Variants in WDTC1 observed in about 807,000 individuals in gnomAD.
WDTC1 encodes the protein WD and tetratricopeptide repeats protein 1.
A neutral mutation model predicts 76.0 loss-of-function variants in WDTC1; 12 were observed. The ratio of observed to expected loss-of-function variants is 0.16; its 90% CI spans 0.10 to 0.26. The LOEUF is 0.26. Ranked by LOEUF, WDTC1 falls within the 10% of genes least tolerant of loss-of-function variation. The probability of loss-of-function intolerance (pLI) is 1.00; values close to 1 mark genes in which losing one functional copy is unlikely to be tolerated. For synonymous variants in WDTC1, 326 were observed against 350.8 expected, an observed-to-expected ratio of 0.93 and a Z score of 0.79; for missense variants, 511 against 908.8, an observed-to-expected ratio of 0.56 and a Z score of 5.63.
chr1:27,305,201 T>G lies in WDTC1; in HGVS notation c.1836+8T>G, dbSNP rs1312619011. ...TGGAACCCCCGACCAGAGGTGAGGG[T>G]GCAGAGCCAAGCAGAGAGGAGGGCA... On this transcript the variant is annotated splice_region_variant and intron_variant, in intron 15 of 15. Coordinates refer to ENST00000319394, the MANE Select transcript of WDTC1 (RefSeq NM_001276252.2). The surrounding 1 kb of genome is among the most constrained non-coding windows in gnomAD (Gnocchi z 4.6). 1.2e-6 allele frequency: 2 copies of G among 1,612,276 alleles called. No individual in the cohort carries two copies. Among genetic ancestry groups the G allele is most frequent in the Non-Finnish European group, 1.7e-6 (2 of 1,179,422 alleles).
At chr1:27,252,426 C>A (rs2012100467) in intron 1 of WDTC1, among the ~76,000 whole-genome samples, 1 of 152,120 alleles carries the variant, frequency 6.6e-6, no homozygotes, top group Non-Finnish European at 1.5e-5. Context: ...TTATATTCTG[C>A]AGACAAATGA....
rs572326550 is a variant in WDTC1, at chr1:27,281,714, C to T, written c.133-525C>T. Among the ~76,000 whole-genome samples the T allele has an allele frequency of 5.9e-5, 9 of 152,182 alleles. No individual in the cohort carries two copies. In the South Asian group the frequency reaches 1.0e-3, roughly 18 times the overall value. ...AGTCATCCTCCCAACCTCAGCCTCC[C>T]GAGTAGCTTGGACTACAGGCACATG... On this transcript the variant is annotated intron_variant, in intron 3 of 15. Transcript: ENST00000319394.
intron 10 of WDTC1, 126 bp from the exon 11 acceptor site, chr1:27,296,922 C>A: frequency 1.2e-6 from 1 of 821,558 alleles, no homozygotes; most frequent in Non-Finnish European, 2.0e-6. Context: ...GGGAATGGAT[C>A]TTACTCTGGG....
chr1:27,304,841 T>C, intron 14 of WDTC1, 160 bp from the exon 15 acceptor site: 1 of 678,416 alleles, frequency 1.5e-6, no homozygotes, highest in African/African-American at 1.8e-5. Flanking sequence ...ACCAGGGCTA[T>C]ATACCTGGAG....
rs1247474611 is a variant in WDTC1, at chr1:27,306,362, G to C, written c.2013G>C (p.Gln671His). Residue 671 changes from glutamine to histidine, a missense_variant, in exon 16 of 16, where the codon CAG becomes CAC. Coordinates refer to ENST00000319394, the MANE Select transcript of WDTC1 (RefSeq NM_001276252.2). The surrounding 1 kb of genome is among the most constrained non-coding windows in gnomAD (Gnocchi z 5.0). ...ASDDEDSSEG[Q>H]VQCRPS ...ATGATGAGGACAGCTCTGAGGGCCA[G>C]GTGCAGTGCCGGCCCAGCTAGACCC... 1 of 1,613,038 alleles carries C rather than the reference G, an allele frequency of 6.2e-7. No individual in the cohort carries two copies. Among genetic ancestry groups the C allele is most frequent in the Non-Finnish European group, 8.5e-7 (1 of 1,179,986 alleles).
intron 9 of WDTC1, 96 bp downstream of exon 9, chr1:27,294,725 C>A: frequency 9.8e-7 from 1 of 1,019,614 alleles, no homozygotes; most frequent in Non-Finnish European, 1.5e-6. Flanking sequence ...AGACAAGACA[C>A]AACAGCCTTA....
At chr1:27,275,357 C>T (rs2012991140) in intron 3 of WDTC1, among the ~76,000 whole-genome samples, 1 of 152,012 alleles carries the variant, frequency 6.6e-6, no homozygotes, top group African/African-American at 2.4e-5. Context: ...TAAGGTAATA[C>T]CATTTTAGAG....
intron 6 of WDTC1, 34 bp downstream of exon 6, chr1:27,287,895 C>T (rs760200984): frequency 6.3e-7 from 1 of 1,593,718 alleles, no homozygotes; most frequent in South Asian, 1.1e-5. Context: ...GAGCCTGTCG[C>T]TCCCCCATCC....
chr1:27,278,015 T>C (rs529890843), intron 3 of WDTC1, among the ~76,000 whole-genome samples: 2 of 152,104 alleles, frequency 1.3e-5, no homozygotes, highest in Non-Finnish European at 2.9e-5. Context: ...TAATTTTTTT[T>C]GTGTTTTAGT....
intron 12 of WDTC1, among the ~76,000 whole-genome samples, chr1:27,298,342 C>T (rs1557508241): frequency 6.6e-6 from 1 of 152,300 alleles, no homozygotes; most frequent in Admixed American, 6.5e-5. Flanking sequence ...CTCACAGTTA[C>T]GTGGAACATG....
intron 1 of WDTC1, among the ~76,000 whole-genome samples, chr1:27,242,594 C>T (rs915861677): frequency 1.3e-5 from 2 of 152,098 alleles, no homozygotes; most frequent in South Asian, 2.1e-4. Flanking sequence ...CTCAGCCTCC[C>T]GAGTAGCTGG....
At chr1:27,286,087 C>T (rs1212944952) in intron 5 of WDTC1, among the ~76,000 whole-genome samples, 1 of 147,552 alleles carries the variant, frequency 6.8e-6, no homozygotes, top group African/African-American at 2.5e-5. Flanking sequence ...CTCACTGCAA[C>T]CTCCACCTCC....
At chr1:27,286,107 G>A (rs2013328262) in intron 5 of WDTC1, among the ~76,000 whole-genome samples, 1 of 144,778 alleles carries the variant, frequency 6.9e-6, no homozygotes, top group Admixed American at 7.3e-5. Flanking sequence ...CCGGCTTCAA[G>A]TGATTCTCCT....
At position 27,234,899 on chromosome 1, in the gene WDTC1, G is replaced by A. The variant is rs1300605050; in HGVS notation, c.-152G>A. The A allele has an allele frequency of 2.5e-6, 1 of 395,538 alleles. No homozygotes were observed. Among genetic ancestry groups the A allele is most frequent in the Middle Eastern group, 6.4e-4 (1 of 1,568 alleles). 24.5% of individuals were successfully genotyped at this position (395,538 alleles called of 1,614,324 possible). On this transcript the variant is annotated 5_prime_UTR_variant, in exon 1 of 16. Coordinates refer to ENST00000319394, the MANE Select transcript of WDTC1 (RefSeq NM_001276252.2). ...GGAGAGGGGCCGCCCCCCCCGGACG[G>A]ACATGGGCTCCTGAAGTTGCGCCGC... is the stretch of plus-strand genomic sequence containing the variant.
At chr1:27,277,999 C>G (rs1263032285) in intron 3 of WDTC1, among the ~76,000 whole-genome samples, 2 of 152,026 alleles carry the variant, frequency 1.3e-5, no homozygotes, top group African/African-American at 4.8e-5. Context: ...CATGATGACA[C>G]CCAGCTAATT....
At chr1:27,280,680 T>C (rs1364671872) in intron 3 of WDTC1, among the ~76,000 whole-genome samples, 3 of 152,240 alleles carry the variant, frequency 2.0e-5, no homozygotes, top group Non-Finnish European at 1.5e-5. Flanking sequence ...TCATTAAATA[T>C]CTGTAACTTT....
intron 3 of WDTC1, among the ~76,000 whole-genome samples, chr1:27,269,606 G>GTTTTTTTTTTTTTTGTTTT: frequency 8.4e-6 from 1 of 119,480 alleles, no homozygotes. Context: ...TTTGTTTTTT[G>GTTTTTTTTTTTTTTGTTTT]TTTTTTTTTT....
intron 3 of WDTC1, among the ~76,000 whole-genome samples, chr1:27,273,401 G>C (rs1353934339): frequency 6.6e-6 from 1 of 151,822 alleles, no homozygotes; most frequent in Admixed American, 6.6e-5. Context: ...GTAGAGACGA[G>C]GTTTCACCAT....
intron 1 of WDTC1, among the ~76,000 whole-genome samples, chr1:27,253,414 T>TCCTCCTC (rs1258364412): frequency 4.4e-4 from 27 of 61,238 alleles, no homozygotes; most frequent in South Asian, 2.2e-3. Flanking sequence ...CCTCCCCTCC[T>TCCTCCTC]CCTCCTCCCT....
Sources: allele counts gnomAD v4.1 joint callset (sites outside exome capture counted in the v4.1 genomes callset), GRCh38; gene constraint gnomAD v4.1.1; non-coding constraint Gnocchi (gnomAD v3.1); transcripts MANE v1.5; gene names NCBI Gene and HGNC (gene_info 2026-07-23, HGNC 2026-07-21).